Variants in IFT56 observed in about 807,000 individuals in gnomAD.
The protein encoded by IFT56 is intraflagellar transport 56.
At chr7:139,134,690 C>A in the IFT56 span, 1 of 1,613,572 alleles carries the variant, frequency 6.2e-7, no homozygotes, top group African/African-American at 1.3e-5. Context: ...TAGGCAGAGG[C>A]GTACAGCACA....
At chr7:139,165,179 A>G in the IFT56 span, 7 of 1,613,692 alleles carry the variant, frequency 4.3e-6, no homozygotes, top group South Asian at 4.4e-5. Flanking sequence ...TACCTCCCCT[A>G]GTTGATGTCA....
At chr7:139,167,596 C>CT in the IFT56 span, among the ~76,000 whole-genome samples, 60 of 151,188 alleles carry the variant, frequency 4.0e-4, no homozygotes, top group African/African-American at 5.1e-4. Flanking sequence ...TCAGAGGACA[C>CT]TTTTTTTTTA....
the IFT56 span, chr7:139,169,362 A>G: frequency 2.5e-6 from 4 of 1,613,306 alleles, no homozygotes; most frequent in Non-Finnish European, 3.4e-6. Flanking sequence ...GGTATGTCTG[A>G]AATCTGTACT....
the IFT56 span, chr7:139,134,523 C>A: frequency 1.0e-6 from 1 of 982,954 alleles, no homozygotes; most frequent in Non-Finnish European, 1.4e-6. Flanking sequence ...CCGCCTTCGC[C>A]TCTCAAAGTG....
the IFT56 span, among the ~76,000 whole-genome samples, chr7:139,183,972 A>G: frequency 6.6e-6 from 1 of 152,198 alleles, no homozygotes; most frequent in Non-Finnish European, 1.5e-5. Context: ...GTCTGACTCC[A>G]TTTCTGGATG....
chr7:139,176,224 A>G, the IFT56 span, among the ~76,000 whole-genome samples: 1 of 152,110 alleles, frequency 6.6e-6, no homozygotes, highest in Non-Finnish European at 1.5e-5. Flanking sequence ...TTTGTAACAC[A>G]AAGAAAGGAT....
chr7:139,136,472 C>G, the IFT56 span, among the ~76,000 whole-genome samples: 1 of 152,058 alleles, frequency 6.6e-6, no homozygotes, highest in Non-Finnish European at 1.5e-5. Context: ...ATTTTTGAGA[C>G]AGGGTCTCAT....
chr7:139,152,222 G>T, the IFT56 span, among the ~76,000 whole-genome samples: 15 of 152,282 alleles, frequency 9.9e-5, no homozygotes, highest in South Asian at 2.3e-3. Context: ...AAACTCCTGG[G>T]CTCAAGTGAT....
chr7:139,161,114 C>A, the IFT56 span: 2 of 1,166,662 alleles, frequency 1.7e-6, no homozygotes, highest in Non-Finnish European at 2.5e-6. Context: ...GGAGATGCGC[C>A]AGCAAGTAAT....
the IFT56 span, among the ~76,000 whole-genome samples, chr7:139,156,120 C>A: frequency 1.3e-5 from 2 of 152,116 alleles, no homozygotes; most frequent in Non-Finnish European, 2.9e-5. Flanking sequence ...CTTAAATTAT[C>A]TAATATATTG....
the IFT56 span, chr7:139,134,707 AAAGAAAG>A: frequency 1.9e-6 from 3 of 1,614,012 alleles, no homozygotes; most frequent in Admixed American, 3.3e-5. Flanking sequence ...CACACTGACA[AAAGAAAG>A]AAGAAAGGTA....
chr7:139,141,251 ACT>A, the IFT56 span, among the ~76,000 whole-genome samples: 2 of 128,332 alleles, frequency 1.6e-5, no homozygotes, highest in Non-Finnish European at 3.0e-5. Context: ...ACAGAACAAG[ACT>A]CTGAAAAAAA....
the IFT56 span, among the ~76,000 whole-genome samples, chr7:139,176,793 T>G: frequency 6.6e-6 from 1 of 152,156 alleles, no homozygotes. Flanking sequence ...CAATAAAAAT[T>G]TATTGAGCTG....
chr7:139,174,926 C>T, the IFT56 span, among the ~76,000 whole-genome samples: 1 of 151,954 alleles, frequency 6.6e-6, no homozygotes, highest in Non-Finnish European at 1.5e-5. Flanking sequence ...GAGACTGAGG[C>T]AGGAGAATCG....
the IFT56 span, among the ~76,000 whole-genome samples, chr7:139,185,190 G>C: frequency 6.8e-6 from 1 of 145,992 alleles, no homozygotes; most frequent in Admixed American, 6.9e-5. Context: ...GACAAAGCAA[G>C]ACCTTGTGTC....
chr7:139,148,352 G>A, the IFT56 span: 5 of 1,612,028 alleles, frequency 3.1e-6, no homozygotes, highest in South Asian at 1.1e-5. Context: ...AACCATTTTC[G>A]CCTTTACAAT....
the IFT56 span, chr7:139,174,054 C>G: frequency 6.6e-6 from 4 of 607,232 alleles, no homozygotes; most frequent in African/African-American, 7.4e-5. Context: ...CAACACCAGG[C>G]AACCTGCAGC....
chr7:139,183,027 G>A, the IFT56 span, among the ~76,000 whole-genome samples: 2 of 152,114 alleles, frequency 1.3e-5, no homozygotes, highest in South Asian at 4.2e-4. Flanking sequence ...TAACTTAAAT[G>A]GAAAATCAGG....
chr7:139,142,302 C>T, the IFT56 span: 1 of 1,613,756 alleles, frequency 6.2e-7, no homozygotes. Flanking sequence ...ACTTGGCTCA[C>T]AAGGTATTTA....
Sources: allele counts gnomAD v4.1 joint callset (sites outside exome capture counted in the v4.1 genomes callset), GRCh38; gene constraint gnomAD v4.1.1; transcripts MANE v1.5; gene names NCBI Gene and HGNC (gene_info 2026-07-23, HGNC 2026-07-21).